UCHL3: variants seen among roughly 807,000 people sequenced by gnomAD.
UCHL3 encodes the protein ubiquitin C-terminal hydrolase L3, also known as ubiquitin carboxyl-terminal hydrolase isozyme L3.
UCHL3 carries 22 observed loss-of-function variants against 35.8 expected under a neutral mutation model. That is an observed-to-expected ratio of 0.61 (90% confidence interval 0.44 to 0.88). The LOEUF is 0.88. Ranked by LOEUF, UCHL3 falls within the 40% of genes least tolerant of loss-of-function variation. The pLI, the probability that UCHL3 is intolerant of heterozygous loss-of-function variation, is 0.00. For missense variants in UCHL3, 229 were observed against 276.9 expected, an observed-to-expected ratio of 0.83 and a Z score of 1.23; for synonymous variants, 90 against 92.8, an observed-to-expected ratio of 0.97 and a Z score of 0.17.
At chr13:75,581,975 G>T (rs1477695959) in intron 6 of UCHL3, among the ~76,000 whole-genome samples, 2 of 152,130 alleles carry the variant, frequency 1.3e-5, no homozygotes, top group Non-Finnish European at 2.9e-5. Flanking sequence ...GTGCCCTTAT[G>T]AATCAGTCAA....
intron 2 of UCHL3, among the ~76,000 whole-genome samples, chr13:75,555,226 C>G (rs958976480): frequency 6.6e-6 from 1 of 152,180 alleles, no homozygotes; most frequent in African/African-American, 2.4e-5. Flanking sequence ...ATCTGTGGCT[C>G]AAGTTCAAGT....
intron 6 of UCHL3, among the ~76,000 whole-genome samples, chr13:75,573,544 C>T (rs1244965843): frequency 6.6e-6 from 1 of 152,158 alleles, no homozygotes; most frequent in Non-Finnish European, 1.5e-5. Flanking sequence ...GATGTCCCTT[C>T]CTGGCTTGTA....
intron 6 of UCHL3, among the ~76,000 whole-genome samples, chr13:75,575,079 C>T (rs141544733): frequency 5.3e-4 from 80 of 152,230 alleles, no homozygotes; most frequent in African/African-American, 1.7e-3. Context: ...TCTATCAGAA[C>T]GTTTTCATGG....
At chr13:75,595,142 A>G (rs1016196168) in intron 7 of UCHL3, 152 bp downstream of exon 7, 2 of 634,230 alleles carry the variant, frequency 3.2e-6, no homozygotes, top group Admixed American at 3.2e-5. Context: ...TTTCCTTTTA[A>G]GACAGTTTAC....
chr13:75,587,947 CT>C (rs955511006), intron 6 of UCHL3, among the ~76,000 whole-genome samples: 1 of 152,128 alleles, frequency 6.6e-6, no homozygotes, highest in Non-Finnish European at 1.5e-5. Context: ...ACCATCCACC[CT>C]AGCTCTGTCT....
chr13:75,590,399 T>A (rs1488726234), intron 6 of UCHL3, among the ~76,000 whole-genome samples: 1 of 152,182 alleles, frequency 6.6e-6, no homozygotes, highest in Non-Finnish European at 1.5e-5. Flanking sequence ...TTCATGATAA[T>A]GTTTAAGTCT....
intron 7 of UCHL3, among the ~76,000 whole-genome samples, chr13:75,602,552 C>T (rs2032805306): frequency 1.3e-5 from 2 of 152,250 alleles, no homozygotes; most frequent in South Asian, 2.1e-4. Context: ...TCATCTGCAG[C>T]GTATGCATTT....
At chr13:75,555,970 C>T (rs903498012) in intron 2 of UCHL3, among the ~76,000 whole-genome samples, 1 of 152,178 alleles carries the variant, frequency 6.6e-6, no homozygotes, top group Admixed American at 6.5e-5. Context: ...TCTGAACATG[C>T]TTAGAAACTT....
At chr13:75,570,864 ATT>A (rs1489799408) in intron 6 of UCHL3, among the ~76,000 whole-genome samples, 1 of 152,140 alleles carries the variant, frequency 6.6e-6, no homozygotes, top group Non-Finnish European at 1.5e-5. Flanking sequence ...GTGACCTATG[ATT>A]GCACCATTAC....
At position 75,567,175 on chromosome 13, in the gene UCHL3, GTC is replaced by G; in HGVS notation, c.341-46_341-45del. 3 of 1,491,772 alleles carry G rather than the reference GTC, an allele frequency of 2.0e-6. No individual in the cohort carries two copies. The Admixed American group carries it at 5.3e-5, about 26-fold the overall frequency. 92.4% of individuals were successfully genotyped at this position (1,491,772 alleles called of 1,614,324 possible). ...ATACTTCTAGTATTTTCATATATTG[GTC>G]TCTCTGCTGTATCAAGCCTTTTTAA... On this transcript the variant is annotated intron_variant, in intron 4 of 8. Coordinates refer to ENST00000377595, the MANE Select transcript of UCHL3 (RefSeq NM_006002.5).
rs558054996 is a variant in UCHL3 at position 75,550,513 on chromosome 13, C to G, written c.54+526C>G. ...CCCTTTATCTTCCAGTCTTTTAAAG[C>G]TGGACATTTAGTTGCTGTTGTATCA... On this transcript the variant is annotated intron_variant, in intron 2 of 8. Transcript: ENST00000377595. 8.5e-5 allele frequency among the ~76,000 whole-genome samples: 13 copies of G among 152,258 alleles called. No individual in the cohort carries two copies. The East Asian group carries it at 2.3e-3, about 27-fold the overall frequency.
intron 7 of UCHL3, among the ~76,000 whole-genome samples, chr13:75,603,654 A>C (rs1325141926): frequency 6.7e-6 from 1 of 150,010 alleles, no homozygotes; most frequent in Admixed American, 6.7e-5. Flanking sequence ...TCTATTGAAG[A>C]ATAAGCATTT....
At chr13:75,583,410 A>G (rs1433547331) in intron 6 of UCHL3, among the ~76,000 whole-genome samples, 4 of 152,186 alleles carry the variant, frequency 2.6e-5, no homozygotes, top group Non-Finnish European at 5.9e-5. Context: ...CATGATGCTC[A>G]AAAAGAAGGC....
intron 3 of UCHL3, among the ~76,000 whole-genome samples, chr13:75,564,932 A>G (rs2138485393): frequency 6.6e-6 from 1 of 151,678 alleles, no homozygotes; most frequent in South Asian, 2.1e-4. Flanking sequence ...CTGACCTCAG[A>G]TGATCCACCC....
chr13:75,574,549 G>T (rs1178954618), intron 6 of UCHL3, among the ~76,000 whole-genome samples: 1 of 152,124 alleles, frequency 6.6e-6, no homozygotes, highest in Non-Finnish European at 1.5e-5. Context: ...GCTTAGGCAG[G>T]ATACTTTCTT....
chr13:75,571,714 T>C lies in UCHL3; in HGVS notation c.474+2207T>C, dbSNP rs139371894. Among the ~76,000 whole-genome samples, 199 of 152,268 alleles carry C rather than the reference T, an allele frequency of 1.3e-3. 1 individual carries two copies. Among genetic ancestry groups the C allele is most frequent in the African/African-American group, 4.5e-3 (189 of 41,548 alleles). On this transcript the variant is annotated intron_variant, in intron 6 of 8. Coordinates refer to ENST00000377595, the MANE Select transcript of UCHL3 (RefSeq NM_006002.5). ...TTCCTAGTGTGTAGAGCAGTGATTCTCAAGATGGAGTGCAGATAGAAGTTA... is the reference window on the plus strand; with the variant it reads ...TTCCTAGTGTGTAGAGCAGTGATTCCCAAGATGGAGTGCAGATAGAAGTTA...
intron 3 of UCHL3, among the ~76,000 whole-genome samples, chr13:75,564,629 C>A (rs1171434013): frequency 6.6e-6 from 1 of 152,148 alleles, no homozygotes; most frequent in Non-Finnish European, 1.5e-5. Context: ...CTTGGGTTCC[C>A]TTTTCTCCAC....
chr13:75,558,156 A>T (rs1379758199), intron 2 of UCHL3, among the ~76,000 whole-genome samples: 1 of 152,172 alleles, frequency 6.6e-6, no homozygotes. Flanking sequence ...GAATTTCTTT[A>T]TATCTATCTC....
chr13:75,567,122 GA>G (rs2031709821), intron 4 of UCHL3, 104 bp from the exon 5 acceptor site: 6 of 1,088,978 alleles, frequency 5.5e-6, no homozygotes, highest in Non-Finnish European at 8.0e-6. Context: ...ACCTACCAAT[GA>G]AAGAATTTAA....
Sources: allele counts gnomAD v4.1 joint callset (sites outside exome capture counted in the v4.1 genomes callset), GRCh38; gene constraint gnomAD v4.1.1; transcripts MANE v1.5; gene names NCBI Gene and HGNC (gene_info 2026-07-23, HGNC 2026-07-21).